The following EXOC6B variants were observed in gnomAD, a reference collection of about 807,000 sequenced individuals.
EXOC6B encodes SEC15 homolog B.
A neutral mutation model predicts 113.5 loss-of-function variants in EXOC6B; 54 were observed. The observed-to-expected ratio is 0.48, with a 90% confidence interval of 0.38 to 0.60. EXOC6B has a LOEUF of 0.60. EXOC6B is among the 20% of genes least tolerant of loss of function. The pLI, the probability that EXOC6B is intolerant of heterozygous loss-of-function variation, is 0.00. For synonymous variants in EXOC6B, 357 were observed against 339.0 expected (o/e 1.05, Z -0.58); for missense variants, 797 against 977.5 (o/e 0.82, Z 2.46).
At position 72,579,978 on chromosome 2, in the gene EXOC6B, TA is replaced by T. The variant is rs952914060; in HGVS notation, c.670-4311del. 2.3e-3 allele frequency among the ~76,000 whole-genome samples: 344 copies of T among 150,474 alleles called. 7 individuals carry two copies. The highest frequency in any genetic ancestry group is 8.4e-3 in the South Asian group (40 of 4,764). On this transcript the variant is annotated intron_variant, in intron 6 of 21. Coordinates refer to ENST00000272427, the MANE Select transcript of EXOC6B (RefSeq NM_015189.3). The stretch of plus-strand genomic sequence containing the variant: ...TCTGCAATATCCTTATCTATATATA[TA>T]AAAAAAAATTAATCAAACCTACCTC...
intron 20 of EXOC6B, among the ~76,000 whole-genome samples, chr2:72,240,777 C>A (rs1682265968): frequency 6.6e-6 from 1 of 152,148 alleles, no homozygotes; most frequent in South Asian, 2.1e-4. Flanking sequence ...GAAATAATGA[C>A]AACTAGTTTC....
At chr2:72,232,967 G>A (rs1220987324) in intron 20 of EXOC6B, among the ~76,000 whole-genome samples, 1 of 151,844 alleles carries the variant, frequency 6.6e-6, no homozygotes, top group Non-Finnish European at 1.5e-5. Flanking sequence ...AGGTACTTGG[G>A]GGGCTGAGGC....
At chr2:72,326,842 T>A (rs1358119178) in intron 20 of EXOC6B, among the ~76,000 whole-genome samples, 1 of 151,898 alleles carries the variant, frequency 6.6e-6, no homozygotes, top group Non-Finnish European at 1.5e-5. Flanking sequence ...AACCTCTAAG[T>A]AGTAGGGCTC....
At chr2:72,746,535 A>G (rs1681707771) in intron 1 of EXOC6B, among the ~76,000 whole-genome samples, 4 of 152,100 alleles carry the variant, frequency 2.6e-5, no homozygotes, top group Admixed American at 1.3e-4. Context: ...ATATTAAGAG[A>G]TCTTAATTTA....
chr2:72,757,926 C>T (rs1573748096), intron 1 of EXOC6B, among the ~76,000 whole-genome samples: 1 of 151,896 alleles, frequency 6.6e-6, no homozygotes, highest in South Asian at 2.1e-4. Flanking sequence ...TTTGGGAGGC[C>T]GAGGCAGGAA....
intron 6 of EXOC6B, among the ~76,000 whole-genome samples, chr2:72,636,334 A>AAGGAAGGAAGGAAGGT: frequency 1.0e-5 from 1 of 99,584 alleles, no homozygotes; most frequent in Non-Finnish European, 2.1e-5. Context: ...GGAAGGAGGG[A>AAGGAAGGAAGGAAGGT]AGGAAGGAAG....
At chr2:72,658,565 CTATAGTACTAGAGTCA>C (rs1444892427) in intron 6 of EXOC6B, among the ~76,000 whole-genome samples, 3 of 152,022 alleles carry the variant, frequency 2.0e-5, no homozygotes, top group African/African-American at 7.2e-5. Context: ...CACTCTGACA[CTATAGTACTAGAGTCA>C]ACATAGAGCT....
intron 6 of EXOC6B, among the ~76,000 whole-genome samples, chr2:72,665,669 A>T (rs1573583523): frequency 6.6e-6 from 1 of 152,204 alleles, no homozygotes; most frequent in Admixed American, 6.5e-5. Flanking sequence ...TTACCACTAG[A>T]CCAGCCTTAA....
chr2:72,544,045 G>T (rs1702765553), intron 8 of EXOC6B, among the ~76,000 whole-genome samples: 1 of 152,270 alleles, frequency 6.6e-6, no homozygotes, highest in South Asian at 2.1e-4. Flanking sequence ...TATAAATTGG[G>T]TCCTCAAAGG....
At chr2:72,249,864 G>T (rs1469810381) in intron 20 of EXOC6B, among the ~76,000 whole-genome samples, 3 of 152,106 alleles carry the variant, frequency 2.0e-5, no homozygotes, top group Admixed American at 1.3e-4. Flanking sequence ...TGTTTTTATT[G>T]AATATTGGTA....
At chr2:72,358,639 A>C (rs636319) in intron 19 of EXOC6B, among the ~76,000 whole-genome samples, 17,445 of 152,204 alleles carry the variant, frequency 0.11, 1,068 homozygotes, top group African/African-American at 0.16. Flanking sequence ...GTTTTAAAGG[A>C]CAATCTATTT....
At chr2:72,252,087 T>A (rs1683057936) in intron 20 of EXOC6B, among the ~76,000 whole-genome samples, 1 of 152,190 alleles carries the variant, frequency 6.6e-6, no homozygotes, top group South Asian at 2.1e-4. Flanking sequence ...CTTTACTGGA[T>A]CATTCCTATC....
At chr2:72,780,654 T>C (rs1683976835) in intron 1 of EXOC6B, among the ~76,000 whole-genome samples, 1 of 152,220 alleles carries the variant, frequency 6.6e-6, no homozygotes, top group African/African-American at 2.4e-5. Flanking sequence ...AACCTAATTC[T>C]AAAGTGACTG....
At chr2:72,265,614 T>A (rs1684024377) in intron 20 of EXOC6B, among the ~76,000 whole-genome samples, 1 of 151,764 alleles carries the variant, frequency 6.6e-6, no homozygotes, top group African/African-American at 2.4e-5. Context: ...TAGTATTCCA[T>A]GGTGTATATG....
intron 17 of EXOC6B, among the ~76,000 whole-genome samples, chr2:72,476,896 T>C (rs1174093481): frequency 6.6e-6 from 1 of 152,206 alleles, no homozygotes; most frequent in East Asian, 1.9e-4. Context: ...AAAATATCCT[T>C]CACTCCCTCT....
intron 6 of EXOC6B, among the ~76,000 whole-genome samples, chr2:72,609,641 T>C (rs1670953927): frequency 6.6e-6 from 1 of 151,034 alleles, no homozygotes; most frequent in African/African-American, 2.4e-5. Flanking sequence ...GATAAAAGTA[T>C]AATTGGATTC....
chr2:72,578,039 G>A (rs1704984231), intron 6 of EXOC6B, among the ~76,000 whole-genome samples: 1 of 151,974 alleles, frequency 6.6e-6, no homozygotes, highest in Admixed American at 6.6e-5. Flanking sequence ...TAGAGAAATT[G>A]AGCAAGGTTT....
At chr2:72,506,975 A>C (rs1371935469) in intron 11 of EXOC6B, among the ~76,000 whole-genome samples, 1 of 152,092 alleles carries the variant, frequency 6.6e-6, no homozygotes, top group Non-Finnish European at 1.5e-5. Context: ...TAAATCTTTT[A>C]ATATATTGCT....
intron 1 of EXOC6B, among the ~76,000 whole-genome samples, chr2:72,758,224 G>A (rs1682554838): frequency 6.7e-6 from 1 of 149,002 alleles, no homozygotes; most frequent in Non-Finnish European, 1.5e-5. Context: ...CTTAATTTGA[G>A]AATTGATGTA....
Sources: allele counts gnomAD v4.1 joint callset (sites outside exome capture counted in the v4.1 genomes callset), GRCh38; gene constraint gnomAD v4.1.1; transcripts MANE v1.5; gene names NCBI Gene and HGNC (gene_info 2026-07-23, HGNC 2026-07-21).